ZNF850: variants seen among roughly 807,000 people sequenced by gnomAD.
ZNF850 encodes the protein putative zinc finger protein ENSP00000330994.
In ZNF850, 2 loss-of-function variants were observed where a neutral mutation model predicts 11.9. The observed-to-expected ratio is 0.17, with a 90% CI of 0.07 to 0.53. ZNF850 has a LOEUF of 0.53. Among genes scored for constraint, ZNF850 ranks in the 20% least tolerant of loss-of-function variants. ZNF850 has a pLI of 0.94. For missense variants in ZNF850, 1,014 were observed against 1,316.4 expected, an observed-to-expected ratio of 0.77 and a Z score of 3.55; for synonymous variants, 381 against 443.0, an observed-to-expected ratio of 0.86 and a Z score of 1.76.
chr19:36,759,609 A>G (rs1360560903), intron 4 of ZNF850, among the ~76,000 whole-genome samples: 1 of 152,208 alleles, frequency 6.6e-6, no homozygotes, highest in African/African-American at 2.4e-5. Context: ...GATTGGAAAC[A>G]TGGAAACTCA....
In ZNF850 at chr19:36,754,020, C is replaced by A. The variant is rs149669118; in HGVS notation, c.236-3216G>T. Among the ~76,000 whole-genome samples the A allele has an allele frequency of 6.5e-3, 983 of 151,582 alleles. 4 individuals are homozygous for A. The highest frequency in any genetic ancestry group is 0.021 in the South Asian group (99 of 4,792). On this transcript the variant is annotated intron_variant, in intron 4 of 4. Coordinates refer to ENST00000591344, the MANE Select transcript of ZNF850 (RefSeq NM_001193552.2). ...AATAAGCTGGTTAAAAAAATTCAAA[C>A]AGGCCAAGAGAGGTGGATTGTGCCT... is the stretch of plus-strand genomic sequence containing the variant.
intron 1 of ZNF850, among the ~76,000 whole-genome samples, chr19:36,769,189 C>G (rs1239962347): frequency 6.9e-6 from 1 of 144,694 alleles, no homozygotes; most frequent in Non-Finnish European, 1.5e-5. Flanking sequence ...TTGAACCCGG[C>G]AGGCGGAGGC....
At position 36,743,966 on chromosome 19, in the gene ZNF850, A is replaced by T. The variant is rs2145950284; in HGVS notation, c.*3801T>A. 6.6e-6 allele frequency: 1 copy of T among 152,296 alleles called. No individual in the cohort carries two copies. The allele number at this position is 152,296 out of a possible 1,614,324, so 9.4% of individuals were successfully genotyped here. A position where few individuals can be genotyped will look rare whatever the true frequency, so the allele number is the denominator to read the frequency against. ...GAGGCCGAGGCAGTCAGATCACCTG[A>T]GGTCTGGAGTTCAAGCCCAGCCTCA... On this transcript the variant is annotated 3_prime_UTR_variant, in exon 5 of 5. Transcript: ENST00000591344.
intron 4 of ZNF850, among the ~76,000 whole-genome samples, chr19:36,758,987 G>A (rs1021264432): frequency 6.6e-6 from 1 of 152,004 alleles, no homozygotes; most frequent in Non-Finnish European, 1.5e-5. Flanking sequence ...GGAGGCTAAG[G>A]CAGGAGAATC....
chr19:36,771,792 G>A (rs956084699), intron 1 of ZNF850, among the ~76,000 whole-genome samples: 8 of 152,182 alleles, frequency 5.3e-5, no homozygotes, highest in African/African-American at 1.9e-4. Context: ...TTCCACCCGG[G>A]TTTGGGCTGT....
chr19:36,749,146 G>A lies in ZNF850; in HGVS notation c.1894C>T (p.Leu632Phe). 6.2e-7 allele frequency: 1 copy of A among 1,604,162 alleles called. No homozygotes were observed. The highest frequency in any genetic ancestry group is 1.3e-5 in the African/African-American group (1 of 74,772). The change falls in exon 5 of 5, where the codon CTT becomes TTT. Residue 632 changes from leucine (L) to phenylalanine (F), a missense_variant. Around this residue, in one of 2 missense-constraint regions of ZNF850, gnomAD observed 835 missense variants for 1,022.0 expected, o/e 0.82. Transcript: ENST00000591344. ...CGKAFRLRLR[L>F]TQHQQIHTGE... Reference sequence around the variant, plus strand: ...GTATGGATTTGTTGATGTTGAGTAAGTCGTAAACGAAGTCTAAAGGCCTTC... The same window carrying A: ...GTATGGATTTGTTGATGTTGAGTAAATCGTAAACGAAGTCTAAAGGCCTTC...
intron 1 of ZNF850, among the ~76,000 whole-genome samples, chr19:36,766,873 C>T (rs1436488724): frequency 4.0e-5 from 6 of 151,676 alleles, no homozygotes; most frequent in South Asian, 2.1e-4. Context: ...GAGGCCAAGA[C>T]GGGTAGATCA....
intron 4 of ZNF850, among the ~76,000 whole-genome samples, chr19:36,757,634 G>A (rs957651401): frequency 3.3e-5 from 5 of 150,538 alleles, no homozygotes; most frequent in African/African-American, 1.2e-4. Flanking sequence ...AGCCTCATGA[G>A]TAGCTGGGAT....
At chr19:36,770,582 T>C (rs1204435790) in intron 1 of ZNF850, among the ~76,000 whole-genome samples, 3 of 151,750 alleles carry the variant, frequency 2.0e-5, no homozygotes, top group South Asian at 2.1e-4. Flanking sequence ...GGCGCGTGCC[T>C]GTAGTTCCAG....
chr19:36,753,577 C>T (rs826981), intron 4 of ZNF850, among the ~76,000 whole-genome samples: 144,923 of 151,734 alleles, frequency 0.96, 69,630 homozygotes, highest in Non-Finnish European at 0.99. Context: ...TGGGTGACCA[C>T]GGGAGAACCT....
At chr19:36,761,823 A>C (rs2040520190) in intron 3 of ZNF850, 85 bp from the exon 4 acceptor site, 1 of 736,998 alleles carries the variant, frequency 1.4e-6, no homozygotes. Flanking sequence ...AAACAGGTGG[A>C]TTGCTTGAGG....
intron 4 of ZNF850, among the ~76,000 whole-genome samples, chr19:36,755,698 AAAAAAAC>A (rs2040481818): frequency 6.6e-6 from 1 of 151,732 alleles, no homozygotes; most frequent in African/African-American, 2.4e-5. Context: ...GCAATAAAAA[AAAAAAAC>A]AAAAAACAAA....
rs2040394365 is a variant in ZNF850, at chr19:36,743,609, C to T, written c.*4158G>A. On this transcript the variant is annotated 3_prime_UTR_variant, in exon 5 of 5. Coordinates refer to ENST00000591344, the MANE Select transcript of ZNF850 (RefSeq NM_001193552.2). The stretch of plus-strand genomic sequence containing the variant: ...GTTACAATCCTTAGACAAAAACCAA[C>T]AGTTTAGTACATAGTAATAGTAATC... The T allele has an allele frequency of 7.5e-6, 1 of 133,134 alleles. No homozygotes were observed. Among genetic ancestry groups the T allele is most frequent in the South Asian group, 2.2e-4 (1 of 4,490 alleles). 8.2% of individuals were successfully genotyped at this position (133,134 alleles called of 1,614,324 possible). A position where few individuals can be genotyped will look rare whatever the true frequency, so the allele number is the denominator to read the frequency against.
chr19:36,763,080 C>T (rs557440653), intron 1 of ZNF850, among the ~76,000 whole-genome samples: 11 of 151,764 alleles, frequency 7.2e-5, no homozygotes, highest in Admixed American at 1.3e-4. Flanking sequence ...TTAGTAGAAA[C>T]GAGGTTTTGC....
intron 4 of ZNF850, 71 bp downstream of exon 4, chr19:36,761,572 A>C (rs1432234394): frequency 1.2e-6 from 1 of 830,420 alleles, no homozygotes; most frequent in African/African-American, 1.7e-5. Context: ...CAATACCTGT[A>C]CGGTGCTGCC....
chr19:36,755,927 T>TA (rs2040483796), intron 4 of ZNF850, among the ~76,000 whole-genome samples: 2 of 108,332 alleles, frequency 1.8e-5, no homozygotes, highest in Admixed American at 1.9e-4. Flanking sequence ...TTTTTTTTTT[T>TA]ATGGAGTCTC....
At chr19:36,757,563 G>A (rs1600610753) in intron 4 of ZNF850, among the ~76,000 whole-genome samples, 1 of 142,266 alleles carries the variant, frequency 7.0e-6, no homozygotes, top group Admixed American at 7.2e-5. Flanking sequence ...CTGGAGTGCA[G>A]TGGTGTGATC....
chr19:36,770,368 G>A (rs1314730733), intron 1 of ZNF850, among the ~76,000 whole-genome samples: 1 of 152,112 alleles, frequency 6.6e-6, no homozygotes, highest in Non-Finnish European at 1.5e-5. Flanking sequence ...CTGATGACCA[G>A]CCCCCATCCT....
Position 36,748,283 on chromosome 19 carries a change from A to G in ZNF850, c.2757T>C (p.His919=). ...GACATCGATAAGGTTTCTCACCAGT[A>G]TGGATTCGTTGATGTTGAGTAAGTT... ...RSKLTQHQRI[H]TGEKPYRCHE... Residue 919 remains histidine (H), a synonymous_variant, in exon 5 of 5, where the codon CAT becomes CAC. Transcript: ENST00000591344. 6.4e-7 allele frequency: 1 copy of G among 1,564,556 alleles called. No individual in the cohort carries two copies. Among genetic ancestry groups the G allele is most frequent in the Non-Finnish European group, 8.6e-7 (1 of 1,158,674 alleles).
Sources: allele counts gnomAD v4.1 joint callset (sites outside exome capture counted in the v4.1 genomes callset), GRCh38; gene constraint gnomAD v4.1.1; regional missense constraint gnomAD v4.1.1; transcripts MANE v1.5; gene names NCBI Gene and HGNC (gene_info 2026-07-23, HGNC 2026-07-21).